The following RAB3C variants were observed in gnomAD, a reference collection of about 807,000 sequenced individuals.
RAB3C encodes the protein ras-related protein Rab-3C.
In RAB3C, 17 loss-of-function variants were observed where a neutral mutation model predicts 26.4. The observed-to-expected ratio is 0.64, with a 90% CI of 0.44 to 0.97. The LOEUF is 0.97. Among genes scored for constraint, RAB3C ranks in the 50% least tolerant of loss-of-function variants. The probability of loss-of-function intolerance (pLI) is 0.00; values close to 1 mark genes in which losing one functional copy is unlikely to be tolerated. For synonymous variants in RAB3C, 91 were observed against 95.9 expected, an observed-to-expected ratio of 0.95 and a Z score of 0.30; for missense variants, 242 against 281.9, an observed-to-expected ratio of 0.86 and a Z score of 1.01.
At chr5:58,694,217 G>A (rs1748642323) in intron 2 of RAB3C, among the ~76,000 whole-genome samples, 1 of 152,122 alleles carries the variant, frequency 6.6e-6, no homozygotes, top group Admixed American at 6.5e-5. Context: ...AGTTTGCTGA[G>A]AATGATGGTT....
At chr5:58,644,166 T>C (rs1000617407) in intron 2 of RAB3C, among the ~76,000 whole-genome samples, 2 of 152,080 alleles carry the variant, frequency 1.3e-5, no homozygotes, top group Non-Finnish European at 2.9e-5. Context: ...CTCTATGACA[T>C]AATATTTGTG....
intron 3 of RAB3C, among the ~76,000 whole-genome samples, chr5:58,807,350 A>T (rs1438922152): frequency 6.6e-6 from 1 of 152,202 alleles, no homozygotes; most frequent in East Asian, 1.9e-4. Flanking sequence ...AGAAAGATTA[A>T]TTTCAGCTAA....
intron 1 of RAB3C, among the ~76,000 whole-genome samples, chr5:58,597,602 GCA>G: frequency 7.7e-5 from 10 of 129,990 alleles, no homozygotes; most frequent in Non-Finnish European, 1.1e-4. Context: ...TTATATATAA[GCA>G]TATAACAATA....
intron 3 of RAB3C, among the ~76,000 whole-genome samples, chr5:58,777,273 C>T (rs1452124749): frequency 6.6e-6 from 1 of 152,110 alleles, no homozygotes; most frequent in Non-Finnish European, 1.5e-5. Flanking sequence ...TTCTCTCCTT[C>T]AATCCCTCCT....
At chr5:58,701,415 A>G (rs911490470) in intron 2 of RAB3C, among the ~76,000 whole-genome samples, 2 of 152,070 alleles carry the variant, frequency 1.3e-5, no homozygotes, top group African/African-American at 4.8e-5. Flanking sequence ...CTTTCCAATT[A>G]TAGTTTAGTT....
At chr5:58,699,127 T>C (rs1363779577) in intron 2 of RAB3C, among the ~76,000 whole-genome samples, 1 of 152,048 alleles carries the variant, frequency 6.6e-6, no homozygotes, top group African/African-American at 2.4e-5. Flanking sequence ...GATGACCTTT[T>C]TGTTGATGTC....
intron 2 of RAB3C, among the ~76,000 whole-genome samples, chr5:58,706,431 T>C (rs1156751992): frequency 6.6e-6 from 1 of 152,192 alleles, no homozygotes; most frequent in East Asian, 1.9e-4. Flanking sequence ...AACAGACTTA[T>C]TGGAAGAAAA....
intron 2 of RAB3C, among the ~76,000 whole-genome samples, chr5:58,714,246 T>A (rs1268480026): frequency 6.6e-6 from 1 of 152,136 alleles, no homozygotes; most frequent in African/African-American, 2.4e-5. Flanking sequence ...ATAAAGATAG[T>A]GATTAAAATG....
chr5:58,781,072 C>T (rs1262682971), intron 3 of RAB3C, among the ~76,000 whole-genome samples: 1 of 151,850 alleles, frequency 6.6e-6, no homozygotes, highest in Non-Finnish European at 1.5e-5. Context: ...TGAATAGTAA[C>T]TAGAACTGCA....
intron 3 of RAB3C, among the ~76,000 whole-genome samples, chr5:58,759,139 T>C: frequency 6.6e-6 from 1 of 152,232 alleles, no homozygotes; most frequent in East Asian, 1.9e-4. Context: ...CATTGGAATG[T>C]ACATTTCAGT....
intron 2 of RAB3C, among the ~76,000 whole-genome samples, chr5:58,671,602 G>A (rs2111824555): frequency 6.6e-6 from 1 of 152,262 alleles, no homozygotes; most frequent in East Asian, 1.9e-4. Flanking sequence ...AAGCATATCT[G>A]CTTTTAACTA....
intron 2 of RAB3C, among the ~76,000 whole-genome samples, chr5:58,669,628 C>G (rs1244401897): frequency 6.6e-6 from 1 of 152,162 alleles, no homozygotes; most frequent in African/African-American, 2.4e-5. Context: ...CCACTAGTAA[C>G]TCGTTTTTAA....
chr5:58,716,103 A>G (rs2111904722), intron 2 of RAB3C, among the ~76,000 whole-genome samples: 1 of 146,972 alleles, frequency 6.8e-6, no homozygotes, highest in South Asian at 2.2e-4. Flanking sequence ...AAAAAAAAAA[A>G]GAAATAAGGG....
At chr5:58,708,728 C>T (rs996186506) in intron 2 of RAB3C, among the ~76,000 whole-genome samples, 2 of 152,196 alleles carry the variant, frequency 1.3e-5, no homozygotes, top group Non-Finnish European at 2.9e-5. Flanking sequence ...CTCATGCCAA[C>T]AGTCATGTTG....
intron 2 of RAB3C, among the ~76,000 whole-genome samples, chr5:58,641,351 A>C (rs775650200): frequency 3.5e-4 from 54 of 152,224 alleles, no homozygotes; most frequent in Non-Finnish European, 5.4e-4. Context: ...AAGAGAGTGC[A>C]CAGAAGCCTG....
At chr5:58,693,336 G>GTATGTATATA (rs1341115094) in intron 2 of RAB3C, among the ~76,000 whole-genome samples, 4,668 of 111,674 alleles carry the variant, frequency 0.042, 249 homozygotes, top group African/African-American at 0.094. Context: ...ATATATATGT[G>GTATGTATATA]TATATATATA....
intron 2 of RAB3C, among the ~76,000 whole-genome samples, chr5:58,636,535 T>A (rs1747292727): frequency 6.6e-6 from 1 of 152,238 alleles, no homozygotes; most frequent in Non-Finnish European, 1.5e-5. Context: ...TCTTGAGTCT[T>A]CTGATTTGAC....
intron 2 of RAB3C, among the ~76,000 whole-genome samples, chr5:58,724,063 T>A (rs1740829860): frequency 6.6e-6 from 1 of 151,862 alleles, no homozygotes; most frequent in African/African-American, 2.4e-5. Flanking sequence ...TATCTGCCTC[T>A]GATTCCCAAA....
At chr5:58,842,632 A>G (rs1423359) in intron 4 of RAB3C, among the ~76,000 whole-genome samples, 76,497 of 152,100 alleles carry the variant, frequency 0.5, 19,568 homozygotes, top group Middle Eastern at 0.68. Flanking sequence ...AGAAAGATTC[A>G]TCATCATCTC....
Sources: allele counts gnomAD v4.1 joint callset (sites outside exome capture counted in the v4.1 genomes callset), GRCh38; gene constraint gnomAD v4.1.1; transcripts MANE v1.5; gene names NCBI Gene and HGNC (gene_info 2026-07-23, HGNC 2026-07-21).